CCDC150: variants seen among roughly 807,000 people sequenced by gnomAD.
The protein encoded by CCDC150 is coiled-coil domain containing 150.
Under a neutral mutation model 156.5 loss-of-function variants are expected in CCDC150, and 151 were observed. The ratio of observed to expected loss-of-function variants is 0.97; its 90% CI spans 0.85 to 1.10. The LOEUF is 1.10. Among genes scored for constraint, CCDC150 ranks in the 50% least tolerant of loss-of-function variants. CCDC150 has a pLI of 0.00. For synonymous variants in CCDC150, 452 were observed against 429.4 expected, an observed-to-expected ratio of 1.05 and a Z score of -0.65; for missense variants, 1,312 against 1,268.1, an observed-to-expected ratio of 1.03 and a Z score of -0.53.
intron 25 of CCDC150, 140 bp downstream of exon 25, chr2:196,730,258 A>C: frequency 1.5e-6 from 1 of 648,440 alleles, no homozygotes; most frequent in Non-Finnish European, 2.5e-6. Context: ...CTAAGTCCTT[A>C]GAATAATAGT....
intron 17 of CCDC150, chr2:196,718,275 T>A (rs1469007608): frequency 7.2e-6 from 2 of 276,546 alleles, no homozygotes; most frequent in African/African-American, 2.2e-5. Context: ...TTATTCTCCC[T>A]ATTCTTGTGT....
At chr2:196,706,761 A>G (rs370310707) in intron 15 of CCDC150, among the ~76,000 whole-genome samples, 1 of 152,294 alleles carries the variant, frequency 6.6e-6, no homozygotes, top group East Asian at 1.9e-4. Flanking sequence ...TTCTGCATCT[A>G]TTGAGATAAT....
chr2:196,679,177 T>C (rs1436886305), intron 13 of CCDC150, among the ~76,000 whole-genome samples: 1 of 152,200 alleles, frequency 6.6e-6, no homozygotes, highest in African/African-American at 2.4e-5. Context: ...TTGTTATAAT[T>C]TACATACAGT....
rs756799954 is a variant in CCDC150, at chr2:196,639,775, T to C, written c.9T>C (p.Cys3=). ...GAGCCTCAGGCGGACAGATGGACTG[T>C]AAGGTGAGGCTGCCGGGCCCCGGGC... is the stretch of plus-strand genomic sequence containing the variant. MD[C]KVHMETTVSR... The change falls in exon 1 of 28, where the codon TGT becomes TGC. Residue 3 remains cysteine (C), a synonymous_variant. Transcript: ENST00000389175. The C allele has an allele frequency of 1.7e-5, 27 of 1,578,414 alleles. No individual in the cohort carries two copies. The highest frequency in any genetic ancestry group is 2.1e-5 in the Non-Finnish European group (24 of 1,158,430).
At chr2:196,726,716 G>A (rs1367918145) in intron 22 of CCDC150, 1 of 152,558 alleles carries the variant, frequency 6.6e-6, no homozygotes, top group African/African-American at 2.4e-5. Context: ...AACAGCACAG[G>A]CCATGCTTAC....
At chr2:196,670,488 T>C (rs1175750781) in intron 8 of CCDC150, among the ~76,000 whole-genome samples, 1 of 151,928 alleles carries the variant, frequency 6.6e-6, no homozygotes. Flanking sequence ...AAGTACCTTT[T>C]AGGGAAAGCC....
intron 17 of CCDC150, among the ~76,000 whole-genome samples, chr2:196,717,805 C>T (rs536983540): frequency 3.9e-4 from 59 of 152,104 alleles, no homozygotes; most frequent in Non-Finnish European, 6.2e-4. Flanking sequence ...TCAGGAGAAT[C>T]GCTTGATCCC....
chr2:196,671,987 A>C (rs945634892), intron 8 of CCDC150, among the ~76,000 whole-genome samples: 1 of 152,190 alleles, frequency 6.6e-6, no homozygotes, highest in African/African-American at 2.4e-5. Context: ...CTGTCTTCCA[A>C]AGTAGCTGTA....
chr2:196,651,378 T>G (rs2125576059), intron 2 of CCDC150, among the ~76,000 whole-genome samples: 1 of 152,358 alleles, frequency 6.6e-6, no homozygotes, highest in East Asian at 1.9e-4. Flanking sequence ...TTAGTGATTT[T>G]TATGCTTTCT....
At chr2:196,672,995 A>G (rs977805137) in intron 9 of CCDC150, among the ~76,000 whole-genome samples, 2 of 152,184 alleles carry the variant, frequency 1.3e-5, no homozygotes, top group African/African-American at 4.8e-5. Flanking sequence ...TTTATCATTT[A>G]AAATAACTTT....
chr2:196,705,881 T>C (rs1696590346), intron 15 of CCDC150, among the ~76,000 whole-genome samples: 1 of 152,266 alleles, frequency 6.6e-6, no homozygotes, highest in Non-Finnish European at 1.5e-5. Flanking sequence ...GTGTTATTTC[T>C]GAGGGCTCTG....
intron 10 of CCDC150, 37 bp downstream of exon 10, chr2:196,674,385 C>T (rs781032811): frequency 3.1e-6 from 4 of 1,294,358 alleles, no homozygotes; most frequent in Non-Finnish European, 3.3e-6. Flanking sequence ...AGAAAGCCAG[C>T]CTGGTTGATA....
rs751282568 is a variant in CCDC150 at position 196,721,536 on chromosome 2, A to G, written c.2274A>G (p.Gln758=). The G allele has an allele frequency of 3.1e-6, 5 of 1,600,996 alleles. No homozygotes were observed. Among genetic ancestry groups the G allele is most frequent in the Admixed American group, 1.7e-5 (1 of 57,728 alleles). Residue 758 remains glutamine, a synonymous_variant, in exon 21 of 28, where the codon CAA becomes CAG. Transcript: ENST00000389175. ...CTCTCTTTCAGATTGAATCTCTACAAAAAGCTCTAGGTGTAGCTAGAGAAG... is the reference window on the plus strand; with the variant it reads ...CTCTCTTTCAGATTGAATCTCTACAGAAAGCTCTAGGTGTAGCTAGAGAAG... ...DQHNSEIESL[Q]KALGVAREDN...
In CCDC150 at chr2:196,721,650, G is replaced by A. The variant is rs978112111; in HGVS notation, c.2388G>A (p.Leu796=). 10 of 1,602,632 alleles carry A rather than the reference G, an allele frequency of 6.2e-6. No individual in the cohort carries two copies. In the African/African-American group the frequency reaches 1.2e-4, roughly 19 times the overall value. ...AGCTAGATCACATTCAAGAGCAATT[G>A]GAAAGCAAAGAACTTGAGCGACAGA... is the stretch of plus-strand genomic sequence containing the variant. The part of the protein sequence containing the change: ...QTKLDHIQEQ[L]ESKELERQNL... The change falls in exon 21 of 28, where the codon TTG becomes TTA. Residue 796 remains leucine (L), a synonymous_variant. Coordinates refer to ENST00000389175, the MANE Select transcript of CCDC150 (RefSeq NM_001080539.2).
At chr2:196,694,230 A>G (rs1695672411) in intron 13 of CCDC150, among the ~76,000 whole-genome samples, 1 of 151,720 alleles carries the variant, frequency 6.6e-6, no homozygotes, top group African/African-American at 2.4e-5. Context: ...CTAATTTTGC[A>G]TTTTTAGTAG....
intron 11 of CCDC150, 116 bp downstream of exon 11, chr2:196,676,383 G>GC: frequency 7.1e-7 from 1 of 1,407,290 alleles, no homozygotes. Context: ...CATTTTTTGG[G>GC]CCAGCCACAG....
chr2:196,705,002 G>A (rs1416630722), intron 15 of CCDC150, among the ~76,000 whole-genome samples: 6 of 152,108 alleles, frequency 3.9e-5, no homozygotes, highest in East Asian at 1.9e-4. Context: ...GAATAGTGCC[G>A]CAATAAACAT....
chr2:196,674,115 GATAGGTTAA>G, intron 9 of CCDC150, 117 bp from the exon 10 acceptor site: 2 of 568,590 alleles, frequency 3.5e-6, no homozygotes, highest in Non-Finnish European at 6.1e-6. Context: ...GTGAATTGAG[GATAGGTTAA>G]ATAGATTAGT....
chr2:196,708,262 G>A (rs1314698299), intron 15 of CCDC150, among the ~76,000 whole-genome samples: 3 of 152,090 alleles, frequency 2.0e-5, no homozygotes, highest in Non-Finnish European at 4.4e-5. Flanking sequence ...GTTATGTAAT[G>A]GCCTTCTTTG....
Sources: gnomAD v4.1 joint callset for allele counts (sites outside exome capture counted in the v4.1 genomes callset) on GRCh38, gnomAD v4.1.1 for gene constraint, MANE v1.5 for transcripts, NCBI Gene and HGNC (gene_info 2026-07-23, HGNC 2026-07-21) for gene names.